LINGO2: variants seen among roughly 807,000 people sequenced by gnomAD.
LINGO2 encodes leucine-rich repeat and immunoglobulin-like domain-containing nogo receptor-interacting protein 2.
In LINGO2, 14 loss-of-function variants were observed where a neutral mutation model predicts 30.6. The ratio of observed to expected loss-of-function variants is 0.46; its 90% CI spans 0.30 to 0.72. The LOEUF (loss-of-function observed/expected upper bound fraction) is 0.72, where lower values mean the gene tolerates loss of function less well. Ranked by LOEUF, LINGO2 falls within the 30% of genes least tolerant of loss-of-function variation. The pLI is 0.07. For synonymous variants in LINGO2, 317 were observed against 288.5 expected (o/e 1.10, Z -1.00); for missense variants, 729 against 751.7 (o/e 0.97, Z 0.35).
chr9:28,030,621 G>A (rs1823620907), intron 4 of LINGO2, among the ~76,000 whole-genome samples: 1 of 152,164 alleles, frequency 6.6e-6, no homozygotes, highest in East Asian at 1.9e-4. Context: ...GTCTGCTCCA[G>A]GACCTGGTAT....
rs751030016 is a variant in LINGO2 at position 28,430,096 on chromosome 9, A to ACGCG, written c.-279+45840_-279+45843dup. 2.9e-3 allele frequency among the ~76,000 whole-genome samples: 193 copies of ACGCG among 66,968 alleles called. 2 individuals carry two copies. The highest frequency in any genetic ancestry group is 9.8e-3 in the African/African-American group (180 of 18,410). The allele number at this position is 66,968 out of a possible 152,430, so 43.9% of individuals were successfully genotyped here. A position where few individuals can be genotyped will look rare whatever the true frequency, so the allele number is the denominator to read the frequency against. On this transcript the variant is annotated intron_variant, in intron 2 of 5. Coordinates refer to ENST00000379992, the Ensembl canonical transcript of LINGO2. Reference sequence around the variant, plus strand: ...CAGGGAGAGGGAGAGGCTGATTTCCACGCGCGCGCGCGCGTGTGTGTGTGT... The same window carrying ACGCG: ...CAGGGAGAGGGAGAGGCTGATTTCCACGCGCGCGCGCGCGCGCGTGTGTGTGTGT...
At chr9:28,810,001 C>T in the LINGO2 span, among the ~76,000 whole-genome samples, 6 of 152,116 alleles carry the variant, frequency 3.9e-5, no homozygotes, top group Non-Finnish European at 7.4e-5. Flanking sequence ...TCATTGTCTA[C>T]CTAAAATCTT....
At chr9:28,620,054 A>G (rs980903218) in intron 1 of LINGO2, among the ~76,000 whole-genome samples, 1 of 126,828 alleles carries the variant, frequency 7.9e-6, no homozygotes, top group Non-Finnish European at 1.8e-5. Flanking sequence ...CCATGTAACC[A>G]CACTATTTAC....
At chr9:28,751,688 T>A in the LINGO2 span, among the ~76,000 whole-genome samples, 1 of 152,078 alleles carries the variant, frequency 6.6e-6, no homozygotes, top group Non-Finnish European at 1.5e-5. Flanking sequence ...TATTTTATTG[T>A]ATACTCATTT....
intron 4 of LINGO2, among the ~76,000 whole-genome samples, chr9:28,183,217 C>T (rs1819420797): frequency 6.6e-6 from 1 of 151,996 alleles, no homozygotes; most frequent in Admixed American, 6.6e-5. Flanking sequence ...GAAAACCAAA[C>T]ACCACATGTT....
At chr9:28,993,644 A>G in the LINGO2 span, among the ~76,000 whole-genome samples, 5 of 150,528 alleles carry the variant, frequency 3.3e-5, 1 homozygote, top group African/African-American at 7.3e-5. Context: ...CGAATCCAGC[A>G]GCACATCAAA....
the LINGO2 span, among the ~76,000 whole-genome samples, chr9:28,769,011 C>T: frequency 7.9e-5 from 12 of 152,042 alleles, no homozygotes; most frequent in South Asian, 2.1e-4. Context: ...GGGTTTTCTT[C>T]GTATTATACA....
At chr9:28,900,928 G>T in the LINGO2 span, among the ~76,000 whole-genome samples, 1 of 151,970 alleles carries the variant, frequency 6.6e-6, no homozygotes, top group East Asian at 1.9e-4. Flanking sequence ...AATAAGTGAC[G>T]AAAGTAAGAA....
intron 4 of LINGO2, among the ~76,000 whole-genome samples, chr9:28,208,745 C>T (rs750902182): frequency 2.0e-5 from 3 of 151,912 alleles, no homozygotes; most frequent in African/African-American, 7.3e-5. Flanking sequence ...CTTCATTAAC[C>T]TATGTACTCA....
At chr9:28,027,958 G>A (rs1823464690) in intron 4 of LINGO2, among the ~76,000 whole-genome samples, 1 of 152,062 alleles carries the variant, frequency 6.6e-6, no homozygotes, top group African/African-American at 2.4e-5. Context: ...CAATTAAAGA[G>A]GAAATCAAAC....
At chr9:28,356,812 A>C (rs1330227669) in intron 3 of LINGO2, among the ~76,000 whole-genome samples, 3 of 151,998 alleles carry the variant, frequency 2.0e-5, no homozygotes, top group Non-Finnish European at 4.4e-5. Context: ...TGCCTCCCAG[A>C]AGCTCTTACT....
the LINGO2 span, among the ~76,000 whole-genome samples, chr9:28,699,637 A>G: frequency 5.3e-5 from 8 of 152,110 alleles, no homozygotes; most frequent in African/African-American, 1.4e-4. Context: ...ATAGAGCCAT[A>G]TTTTTTCTTC....
At chr9:28,160,244 A>G (rs1828247176) in intron 4 of LINGO2, among the ~76,000 whole-genome samples, 1 of 152,220 alleles carries the variant, frequency 6.6e-6, no homozygotes, top group South Asian at 2.1e-4. Context: ...GGACTCCAGT[A>G]GAAATAAGAC....
At chr9:29,036,427 T>C in the LINGO2 span, among the ~76,000 whole-genome samples, 1 of 152,088 alleles carries the variant, frequency 6.6e-6, no homozygotes, top group Non-Finnish European at 1.5e-5. Context: ...TAATGAATCA[T>C]TGTAGTAGTG....
intron 2 of LINGO2, among the ~76,000 whole-genome samples, chr9:28,374,315 G>A (rs1482567241): frequency 6.6e-6 from 1 of 151,152 alleles, no homozygotes; most frequent in Non-Finnish European, 1.5e-5. Flanking sequence ...AGGTTGAAGA[G>A]GGAACTTTTT....
rs143579936 is a variant in LINGO2, at chr9:28,033,190, A to G, written c.-86-20785T>C. On this transcript the variant is annotated intron_variant, in intron 4 of 5. Transcript: ENST00000379992. ...CTTTGCAAATGTTCAGTGGGCTTGC[A>G]CAGTGTGTTACACTAAATAGGTGTG... Among the ~76,000 whole-genome samples the G allele has an allele frequency of 4.7e-4, 72 of 152,318 alleles. No individual in the cohort carries two copies. In the East Asian group the frequency reaches 0.012, roughly 25 times the overall value.
At chr9:28,579,279 A>G (rs1301664592) in intron 1 of LINGO2, among the ~76,000 whole-genome samples, 1 of 152,106 alleles carries the variant, frequency 6.6e-6, no homozygotes, top group Non-Finnish European at 1.5e-5. Flanking sequence ...CTCTTAGCCC[A>G]TGATAAAAAT....
At chr9:28,286,901 GC>G (rs1398287420) in intron 4 of LINGO2, among the ~76,000 whole-genome samples, 1 of 152,058 alleles carries the variant, frequency 6.6e-6, no homozygotes, top group Non-Finnish European at 1.5e-5. Context: ...CTGTACAACA[GC>G]CCCCATGACA....
chr9:28,148,775 G>T lies in LINGO2; in HGVS notation c.-86-136370C>A. ...TGACCCACTTCCAACAGTGCTCCCT[G>T]CCCCAGTTCCAGGCTGCTCCCTGTG... On this transcript the variant is annotated intron_variant, in intron 4 of 5. Coordinates refer to ENST00000379992, the Ensembl canonical transcript of LINGO2. The surrounding 1 kb of genome is among the most constrained non-coding windows in gnomAD (Gnocchi z 5.1). The T allele has an allele frequency of 6.5e-7, 1 of 1,534,066 alleles. No individual in the cohort carries two copies. Among genetic ancestry groups the T allele is most frequent in the Non-Finnish European group, 8.7e-7 (1 of 1,146,612 alleles).
Sources: allele counts gnomAD v4.1 joint callset (sites outside exome capture counted in the v4.1 genomes callset), GRCh38; gene constraint gnomAD v4.1.1; non-coding constraint Gnocchi (gnomAD v3.1); transcripts MANE v1.5; gene names NCBI Gene and HGNC (gene_info 2026-07-23, HGNC 2026-07-21).